The following NFIL3 variants were observed in gnomAD, a reference collection of about 807,000 sequenced individuals.
NFIL3 encodes the protein nuclear factor, interleukin 3 regulated.
NFIL3 carries 5 observed loss-of-function variants against 10.0 expected under a neutral mutation model. The observed-to-expected ratio is 0.50, with a 90% confidence interval of 0.26 to 1.06. The LOEUF (loss-of-function observed/expected upper bound fraction) is 1.06. Among genes scored for constraint, NFIL3 ranks in the 50% least tolerant of loss-of-function variants. NFIL3 has a pLI of 0.13. For synonymous variants in NFIL3, 202 were observed against 206.5 expected (o/e 0.98, Z 0.19); for missense variants, 436 against 547.6 (o/e 0.80, Z 2.03).
chr9:91,454,950 T>C, the NFIL3 span, among the ~76,000 whole-genome samples: 1 of 152,228 alleles, frequency 6.6e-6, no homozygotes, highest in South Asian at 2.1e-4. Context: ...ATGTCTACTA[T>C]GTGTTAAATG....
intron 1 of NFIL3, among the ~76,000 whole-genome samples, chr9:91,416,800 G>A (rs900616330): frequency 2.0e-5 from 3 of 152,148 alleles, no homozygotes; most frequent in Admixed American, 1.3e-4. Flanking sequence ...CATAAGCCCA[G>A]ATTTTTAAAG....
At chr9:91,457,640 T>C in the NFIL3 span, among the ~76,000 whole-genome samples, 1 of 152,044 alleles carries the variant, frequency 6.6e-6, no homozygotes, top group Non-Finnish European at 1.5e-5. Context: ...ATAGAGACAG[T>C]TTTACTTCTT....
the NFIL3 span, among the ~76,000 whole-genome samples, chr9:91,478,650 G>A: frequency 2.0e-5 from 3 of 151,956 alleles, no homozygotes; most frequent in African/African-American, 4.8e-5. Context: ...CTGTCAATTC[G>A]TCAAAGTCAC....
At chr9:91,475,091 G>A in the NFIL3 span, among the ~76,000 whole-genome samples, 1 of 152,092 alleles carries the variant, frequency 6.6e-6, no homozygotes, top group African/African-American at 2.4e-5. Context: ...ATTCTCAATT[G>A]GCATGACAAA....
the NFIL3 span, among the ~76,000 whole-genome samples, chr9:91,439,367 C>A: frequency 6.6e-6 from 1 of 151,820 alleles, no homozygotes; most frequent in Non-Finnish European, 1.5e-5. Flanking sequence ...TTGAATCCTG[C>A]AACTTTACTG....
chr9:91,425,138 C>G (rs927976516), upstream of NFIL3, among the ~76,000 whole-genome samples: 6 of 152,192 alleles, frequency 3.9e-5, no homozygotes, highest in African/African-American at 1.2e-4. Flanking sequence ...TCCTGGTCTC[C>G]TTGAACTACG....
chr9:91,447,361 G>C, the NFIL3 span, among the ~76,000 whole-genome samples: 4 of 152,154 alleles, frequency 2.6e-5, no homozygotes. Flanking sequence ...TAGTGGAATT[G>C]CTGGTTCATA....
At position 91,409,103 on chromosome 9, in the gene NFIL3, A is replaced by G. The variant is rs1833485910; in HGVS notation, c.*243T>C. The stretch of plus-strand genomic sequence containing the variant: ...GGTAACTTACACACTTTATAATAGA[A>G]CAACAAAAATAATGTTCAATATATA... On this transcript the variant is annotated 3_prime_UTR_variant, in exon 2 of 2. Transcript: ENST00000297689. 2.5e-6 allele frequency: 1 copy of G among 405,996 alleles called. No homozygotes were observed. 25.1% of individuals were successfully genotyped at this position (405,996 alleles called of 1,614,324 possible).
chr9:91,469,672 A>C, the NFIL3 span, among the ~76,000 whole-genome samples: 4 of 152,190 alleles, frequency 2.6e-5, no homozygotes, highest in African/African-American at 9.7e-5. Context: ...TGGGTTTGTC[A>C]TAAATAGCTC....
upstream of NFIL3, among the ~76,000 whole-genome samples, chr9:91,427,403 G>T (rs973859620): frequency 6.6e-6 from 1 of 152,152 alleles, no homozygotes; most frequent in African/African-American, 2.4e-5. Context: ...TCTGTTTTGT[G>T]CATTGGACTT....
the NFIL3 span, among the ~76,000 whole-genome samples, chr9:91,482,284 T>G: frequency 6.6e-6 from 1 of 151,466 alleles, no homozygotes; most frequent in African/African-American, 2.4e-5. Flanking sequence ...ATGAATCCAG[T>G]TTTATAAAAC....
At chr9:91,459,281 G>A in the NFIL3 span, among the ~76,000 whole-genome samples, 1 of 152,166 alleles carries the variant, frequency 6.6e-6, no homozygotes, top group East Asian at 1.9e-4. Flanking sequence ...GGAAAGGGAT[G>A]TGCTCAGTGA....
the NFIL3 span, among the ~76,000 whole-genome samples, chr9:91,456,488 C>T: frequency 6.6e-6 from 1 of 152,106 alleles, no homozygotes; most frequent in Non-Finnish European, 1.5e-5. Flanking sequence ...ACACCTTTCC[C>T]ATGCTCTTAG....
chr9:91,410,896 T>C lies in NFIL3; in HGVS notation c.-162A>G. On this transcript the variant is annotated 5_prime_UTR_variant, in exon 2 of 2. Transcript: ENST00000297689. This position sits in a 1 kb window ranked among gnomAD's most constrained non-coding sequence, Gnocchi z 5.7. Reference sequence around the variant, plus strand: ...GCTCCTTATTGAATGAAGTTGGGCCTCCTTCGTTATCTGCAATACATGAAT... The same window carrying C: ...GCTCCTTATTGAATGAAGTTGGGCCCCCTTCGTTATCTGCAATACATGAAT... 2 of 614,576 alleles carry C rather than the reference T, an allele frequency of 3.3e-6. No individual in the cohort carries two copies. The highest frequency in any genetic ancestry group is 5.5e-6 in the Non-Finnish European group (2 of 366,510). 38.1% of individuals were successfully genotyped at this position (614,576 alleles called of 1,614,324 possible). A position where few individuals can be genotyped will look rare whatever the true frequency, so the allele number is the denominator to read the frequency against.
the NFIL3 span, among the ~76,000 whole-genome samples, chr9:91,435,226 G>A: frequency 2.0e-5 from 3 of 152,260 alleles, no homozygotes; most frequent in Non-Finnish European, 2.9e-5. Context: ...CCAGAGTTGT[G>A]AGAATTGTGA....
At chr9:91,460,914 TAGGCA>T in the NFIL3 span, among the ~76,000 whole-genome samples, 1 of 152,222 alleles carries the variant, frequency 6.6e-6, no homozygotes, top group Non-Finnish European at 1.5e-5. Context: ...CCTAAGCATA[TAGGCA>T]ATATAGAAAG....
rs529880106 is a variant in NFIL3, at chr9:91,414,164, TC to T, written c.-172-3259del. Among the ~76,000 whole-genome samples the T allele has an allele frequency of 6.8e-4, 103 of 152,364 alleles. 1 individual carries two copies. In the South Asian group the frequency reaches 0.021, roughly 32 times the overall value. ...AGTACTATATGACTACTTTATCATCTCTACAACTTTGTTGGTACATTAACCT... is the reference window on the plus strand; with the variant it reads ...AGTACTATATGACTACTTTATCATCTTACAACTTTGTTGGTACATTAACCT... On this transcript the variant is annotated intron_variant, in intron 1 of 1. Coordinates refer to ENST00000297689, the MANE Select transcript of NFIL3 (RefSeq NM_005384.3).
chr9:91,448,638 A>C, the NFIL3 span, among the ~76,000 whole-genome samples: 2 of 152,162 alleles, frequency 1.3e-5, no homozygotes, highest in Non-Finnish European at 2.9e-5. Flanking sequence ...CCAATTACTA[A>C]GGCTTGGTAG....
chr9:91,419,656 T>C (rs1293534968), intron 1 of NFIL3, among the ~76,000 whole-genome samples: 1 of 152,232 alleles, frequency 6.6e-6, no homozygotes, highest in Non-Finnish European at 1.5e-5. Flanking sequence ...CTATGAAATG[T>C]GGATGATAAC....
Sources: allele counts gnomAD v4.1 joint callset (sites outside exome capture counted in the v4.1 genomes callset), GRCh38; gene constraint gnomAD v4.1.1; non-coding constraint Gnocchi (gnomAD v3.1); transcripts MANE v1.5; gene names NCBI Gene and HGNC (gene_info 2026-07-23, HGNC 2026-07-21).